The following ZFHX4 variants were observed in gnomAD, a reference collection of about 807,000 sequenced individuals.
ZFHX4 encodes zinc finger homeobox protein 4.
ZFHX4 carries 56 observed loss-of-function variants against 267.6 expected under a neutral mutation model. That is an observed-to-expected ratio of 0.21 (90% CI 0.17 to 0.26). The LOEUF is 0.26. Among genes scored for constraint, ZFHX4 ranks in the 10% least tolerant of loss-of-function variants. ZFHX4 has a pLI of 1.00. For synonymous variants in ZFHX4, 1,778 were observed against 1,665.6 expected, an observed-to-expected ratio of 1.07 and a Z score of -1.64; for missense variants, 4,332 against 4,420.0, an observed-to-expected ratio of 0.98 and a Z score of 0.56.
intron 5 of ZFHX4, among the ~76,000 whole-genome samples, chr8:76,834,790 T>A (rs1812027276): frequency 6.6e-6 from 1 of 152,030 alleles, no homozygotes. Flanking sequence ...AGATTATGCC[T>A]TTAGTGTGGT....
rs200107204 is a variant in ZFHX4, at chr8:76,855,968, A to G, written c.9047A>G (p.Tyr3016Cys). The G allele has an allele frequency of 6.2e-7, 1 of 1,613,728 alleles. No homozygotes were observed. The highest frequency in any genetic ancestry group is 1.3e-5 in the African/African-American group (1 of 74,900). The change falls in exon 10 of 11, where the codon TAC becomes TGC. Residue 3016 changes from tyrosine (Y) to cysteine (C), a missense_variant. This residue lies in a region of ZFHX4 where 1,648 missense variants were observed against 1,625.0 expected (regional missense o/e 1.01). Coordinates refer to ENST00000651372, the MANE Select transcript of ZFHX4 (RefSeq NM_024721.5). Reference sequence around the variant, plus strand: ...GAGTGTACCCTCTGCGGGGTGAAGTACTCTGCCCGCTTGTCCATCAGAGAT... The same window carrying G: ...GAGTGTACCCTCTGCGGGGTGAAGTGCTCTGCCCGCTTGTCCATCAGAGAT... ...KPECTLCGVK[Y>C]SARLSIRDHI... is the part of the protein sequence containing the mutation.
At chr8:76,686,938 T>A (rs1308013898) in intron 1 of ZFHX4, among the ~76,000 whole-genome samples, 1 of 151,710 alleles carries the variant, frequency 6.6e-6, no homozygotes, top group African/African-American at 2.4e-5. Context: ...GGGAGAGGGT[T>A]TCCCCCCCTT....
chr8:76,850,482 C>T, intron 9 of ZFHX4, 120 bp downstream of exon 9: 1 of 827,030 alleles, frequency 1.2e-6, no homozygotes, highest in Non-Finnish European at 1.8e-6. Flanking sequence ...AAAATGTATG[C>T]CATTTCAAAG....
Position 76,703,951 on chromosome 8 carries a change from C to G in ZFHX4, c.-46-92C>G, listed in dbSNP as rs565755124. ...TTCCCCTTACCTTTTTAGATAGTCA[C>G]GTTTACAGCAGCTGTAAATTAGTGA... is the stretch of plus-strand genomic sequence containing the variant. On this transcript the variant is annotated intron_variant, in intron 1 of 10. Transcript: ENST00000651372. The G allele has an allele frequency of 4.4e-6, 4 of 908,884 alleles. No individual in the cohort carries two copies. In the African/African-American group the frequency reaches 6.8e-5, roughly 15 times the overall value. The allele number at this position is 908,884 out of a possible 1,614,324, so 56.3% of individuals were successfully genotyped here.
intron 5 of ZFHX4, among the ~76,000 whole-genome samples, chr8:76,835,243 A>ATATATG (rs1812052638): frequency 9.7e-6 from 1 of 102,742 alleles, no homozygotes; most frequent in Admixed American, 9.8e-5. Context: ...ATATATATGT[A>ATATATG]TATATATATA....
intron 3 of ZFHX4, among the ~76,000 whole-genome samples, chr8:76,724,243 T>A (rs1203579036): frequency 2.0e-5 from 3 of 151,996 alleles, no homozygotes; most frequent in Admixed American, 2.0e-4. Flanking sequence ...TGCTTGTAGA[T>A]CTTAAGGCTC....
chr8:76,712,898 A>G (rs1380119202), intron 3 of ZFHX4, among the ~76,000 whole-genome samples: 1 of 152,202 alleles, frequency 6.6e-6, no homozygotes, highest in Non-Finnish European at 1.5e-5. Context: ...GTATTCTTAT[A>G]TAAATAGACA....
intron 3 of ZFHX4, among the ~76,000 whole-genome samples, chr8:76,777,618 T>C (rs1336483667): frequency 6.6e-6 from 1 of 152,174 alleles, no homozygotes; most frequent in East Asian, 1.9e-4. Flanking sequence ...GTAACCTCTA[T>C]CACGGAGGGC....
intron 1 of ZFHX4, chr8:76,683,970 C>T (rs1206306439): frequency 1.3e-5 from 2 of 151,366 alleles, no homozygotes; most frequent in Non-Finnish European, 2.9e-5. Context: ...GTAACACTCT[C>T]GGTGCCATCA....
At chr8:76,820,108 C>T (rs1811610183) in intron 4 of ZFHX4, among the ~76,000 whole-genome samples, 1 of 152,126 alleles carries the variant, frequency 6.6e-6, no homozygotes, top group African/African-American at 2.4e-5. Context: ...TGTTAAAAAT[C>T]CTCCAAAGGG....
rs746814988 is a variant in ZFHX4, at chr8:76,707,595, G to T, written c.2640G>T (p.Met880Ile). ...PEIRLASGQL[M>I]GDDLSLLTAG... is the part of the protein sequence containing the mutation. Reference sequence around the variant, plus strand: ...TCCGGCTTGCCAGTGGTCAGCTAATGGGTGATGACCTGTCCCTCCTTACTG... The same window carrying T: ...TCCGGCTTGCCAGTGGTCAGCTAATTGGTGATGACCTGTCCCTCCTTACTG... Residue 880 changes from methionine (M) to isoleucine (I), a missense_variant, in exon 3 of 11, where the codon ATG (methionine) becomes ATT (isoleucine). By Grantham distance (10) the Met-to-Ile change is conservative. This residue lies in a region of ZFHX4 where 1,195 missense variants were observed against 1,173.6 expected (regional missense o/e 1.02). Coordinates refer to ENST00000651372, the MANE Select transcript of ZFHX4 (RefSeq NM_024721.5). 9 of 1,612,442 alleles carry T rather than the reference G, an allele frequency of 5.6e-6. No individual in the cohort carries two copies. In the African/African-American group the frequency reaches 1.1e-4, roughly 19 times the overall value.
chr8:76,864,464 A>C lies in ZFHX4; in HGVS notation c.10750A>C (p.Lys3584Gln). Residue 3584 changes from lysine to glutamine, a missense_variant, in exon 11 of 11, where the codon AAG becomes CAG. Physicochemically the swap from Lys to Gln is moderately conservative, Grantham distance 53 (BLOSUM62 1). This residue lies in a region of ZFHX4 where 1,648 missense variants were observed against 1,625.0 expected (regional missense o/e 1.01). Coordinates refer to ENST00000651372, the MANE Select transcript of ZFHX4 (RefSeq NM_024721.5). ...TGAGTCTGACAGTGAGCTGAGCCAG[A>C]AGCTAGAAGACTTAGATAATTCTTT... Reference protein sequence around the residue: ...SDESDSELSQKLEDLDNSLEV... With the variant: ...SDESDSELSQQLEDLDNSLEV... 6.2e-7 allele frequency: 1 copy of C among 1,613,742 alleles called. No homozygotes were observed. Among genetic ancestry groups the C allele is most frequent in the Non-Finnish European group, 8.5e-7 (1 of 1,179,838 alleles).
intron 3 of ZFHX4, among the ~76,000 whole-genome samples, chr8:76,776,114 A>G (rs960073640): frequency 3.3e-5 from 5 of 151,960 alleles, no homozygotes; most frequent in Non-Finnish European, 4.4e-5. Context: ...ATCAACAAGC[A>G]TAAGGATTCC....
chr8:76,795,826 GT>G lies in ZFHX4; in HGVS notation c.3325+17389del, dbSNP rs141549353. ...TGAAGTACTAGTCACTGTCTTCCAA[GT>G]TGCCACAGCTTATTGAATATTTGCA... On this transcript the variant is annotated intron_variant, in intron 4 of 10. Transcript: ENST00000651372. Among the ~76,000 whole-genome samples the G allele has an allele frequency of 2.5e-3, 382 of 152,196 alleles. 2 individuals are homozygous for G. The highest frequency in any genetic ancestry group is 8.8e-3 in the African/African-American group (365 of 41,524).
intron 3 of ZFHX4, among the ~76,000 whole-genome samples, chr8:76,739,719 C>T (rs1041127730): frequency 3.3e-5 from 5 of 151,806 alleles, no homozygotes; most frequent in South Asian, 2.1e-4. Flanking sequence ...TTGCCTATCA[C>T]GAGTAAATGG....
At chr8:76,817,199 A>C (rs1365813386) in intron 4 of ZFHX4, among the ~76,000 whole-genome samples, 1 of 152,182 alleles carries the variant, frequency 6.6e-6, no homozygotes, top group Non-Finnish European at 1.5e-5. Flanking sequence ...TTTTAACTGC[A>C]ATTCCTGTGC....
intron 4 of ZFHX4, among the ~76,000 whole-genome samples, chr8:76,796,174 T>C (rs879673989): frequency 1.9e-4 from 29 of 151,862 alleles, no homozygotes; most frequent in Non-Finnish European, 3.7e-4. Flanking sequence ...ACAGTTTATA[T>C]TGGGAAATAA....
chr8:76,755,144 T>C (rs1202656442), intron 3 of ZFHX4, among the ~76,000 whole-genome samples: 2 of 152,230 alleles, frequency 1.3e-5, no homozygotes, highest in Non-Finnish European at 2.9e-5. Context: ...CTTTAATGAA[T>C]TGTATGTTCA....
intron 3 of ZFHX4, among the ~76,000 whole-genome samples, chr8:76,728,482 T>C (rs887777959): frequency 6.6e-6 from 1 of 152,158 alleles, no homozygotes; most frequent in African/African-American, 2.4e-5. Flanking sequence ...AGCTAAGAAA[T>C]GGCCAAGAGG....
Sources: allele counts gnomAD v4.1 joint callset (sites outside exome capture counted in the v4.1 genomes callset), GRCh38; gene constraint gnomAD v4.1.1; regional missense constraint gnomAD v4.1.1; transcripts MANE v1.5; gene names NCBI Gene and HGNC (gene_info 2026-07-23, HGNC 2026-07-21).